The following ITPR2 variants were observed in gnomAD, a reference collection of about 807,000 sequenced individuals.
ITPR2 encodes inositol 1,4,5-trisphosphate receptor type 2.
ITPR2 carries 207 observed loss-of-function variants against 317.1 expected under a neutral mutation model. The ratio of observed to expected loss-of-function variants is 0.65; its 90% CI spans 0.58 to 0.73. The LOEUF (loss-of-function observed/expected upper bound fraction) is 0.73. Among genes scored for constraint, ITPR2 ranks in the 30% least tolerant of loss-of-function variants. ITPR2 has a pLI of 0.00. For missense variants in ITPR2, 2,613 were observed against 3,284.0 expected (o/e 0.80, Z 4.99); for synonymous variants, 1,156 against 1,149.1 (o/e 1.01, Z -0.12).
intron 9 of ITPR2, among the ~76,000 whole-genome samples, chr12:26,702,098 G>C (rs1948454323): frequency 6.6e-6 from 1 of 152,108 alleles, no homozygotes; most frequent in South Asian, 2.1e-4. Flanking sequence ...CTCCCTCACA[G>C]ACATAGTTGT....
intron 10 of ITPR2, among the ~76,000 whole-genome samples, chr12:26,690,228 A>G (rs1342098148): frequency 1.3e-5 from 2 of 152,256 alleles, no homozygotes; most frequent in Non-Finnish European, 2.9e-5. Flanking sequence ...ACTAAGGAAG[A>G]TAAAATGTTA....
intron 9 of ITPR2, among the ~76,000 whole-genome samples, chr12:26,709,295 C>T (rs1336374074): frequency 6.6e-6 from 1 of 152,134 alleles, no homozygotes; most frequent in African/African-American, 2.4e-5. Context: ...TTTCCTCCTC[C>T]CACTAGACCA....
chr12:26,355,386 C>A (rs151152117), intron 55 of ITPR2, among the ~76,000 whole-genome samples: 411 of 146,730 alleles, frequency 2.8e-3, no homozygotes, highest in Non-Finnish European at 5.1e-3. Context: ...TCCATTAAAA[C>A]CTAGACTATC....
intron 50 of ITPR2, among the ~76,000 whole-genome samples, 185 bp downstream of exon 50, chr12:26,418,864 G>A (rs973823966): frequency 4.6e-5 from 7 of 151,956 alleles, no homozygotes; most frequent in Non-Finnish European, 1.0e-4. Flanking sequence ...CACCTGTGTG[G>A]TTTCCCAAAG....
intron 2 of ITPR2, among the ~76,000 whole-genome samples, chr12:26,754,205 A>G (rs1949481717): frequency 6.6e-6 from 1 of 152,226 alleles, no homozygotes; most frequent in Non-Finnish European, 1.5e-5. Context: ...TCAGAAATGT[A>G]AACATTTAGT....
chr12:26,665,927 G>T lies in ITPR2; in HGVS notation c.1534C>A (p.Gln512Lys). ...AAATTCACCTGTGCCAGTATGTTTT[G>T]TTCCCTCATCAATTTTTGACGCTCT... Reference protein sequence around the residue: ...NRERQKLMREQNILAQVFGIL... With the variant: ...NRERQKLMREKNILAQVFGIL... Residue 512 changes from glutamine to lysine, a missense_variant, in exon 14 of 57, where the codon CAA (glutamine) becomes AAA (lysine). This residue lies in a region of ITPR2 where 515 missense variants were observed against 789.4 expected (regional missense o/e 0.65). Transcript: ENST00000381340. 1 of 1,612,022 alleles carries T rather than the reference G, an allele frequency of 6.2e-7. No individual in the cohort carries two copies. Among genetic ancestry groups the T allele is most frequent in the Non-Finnish European group, 8.5e-7 (1 of 1,179,464 alleles).
At chr12:26,344,367 T>G (rs1218957160) in intron 55 of ITPR2, among the ~76,000 whole-genome samples, 2 of 152,046 alleles carry the variant, frequency 1.3e-5, no homozygotes, top group African/African-American at 4.8e-5. Context: ...CATCACAGAC[T>G]GGGCTTGGGG....
rs1937983686 is a variant in ITPR2 at position 26,338,191 on chromosome 12, T to C, written c.*1206A>G. On this transcript the variant is annotated 3_prime_UTR_variant, in exon 57 of 57. Coordinates refer to ENST00000381340, the MANE Select transcript of ITPR2 (RefSeq NM_002223.4). ...CCATATTTTGCTCTGCTATTCCAAA[T>C]GTGTAGTCTCTAAGAATAACCTGAA... 1 of 152,618 alleles carries C rather than the reference T, an allele frequency of 6.6e-6. No homozygotes were observed. Among genetic ancestry groups the C allele is most frequent in the Admixed American group, 6.5e-5 (1 of 15,270 alleles). The allele number at this position is 152,618 out of a possible 1,614,324, so 9.5% of individuals were successfully genotyped here.
chr12:26,544,913 T>A (rs566153422), intron 37 of ITPR2, among the ~76,000 whole-genome samples: 4 of 151,784 alleles, frequency 2.6e-5, no homozygotes, highest in Middle Eastern at 3.4e-3. Context: ...ATTTGCAATG[T>A]GGAGGTAACA....
At chr12:26,529,372 C>G (rs1353557212) in intron 37 of ITPR2, among the ~76,000 whole-genome samples, 1 of 152,180 alleles carries the variant, frequency 6.6e-6, no homozygotes, top group Non-Finnish European at 1.5e-5. Context: ...CTTGATGGTT[C>G]TCAAACCAGG....
chr12:26,638,016 A>G (rs539821193), intron 21 of ITPR2, among the ~76,000 whole-genome samples: 1 of 152,216 alleles, frequency 6.6e-6, no homozygotes, highest in East Asian at 1.9e-4. Context: ...GCATGTAACC[A>G]AAGTGTAGTA....
At chr12:26,693,160 G>C (rs1213353296) in intron 10 of ITPR2, among the ~76,000 whole-genome samples, 1 of 152,286 alleles carries the variant, frequency 6.6e-6, no homozygotes, top group Non-Finnish European at 1.5e-5. Flanking sequence ...TGACAGATGA[G>C]ACTCAGTCAT....
intron 31 of ITPR2, 60 bp downstream of exon 31, chr12:26,596,823 G>GA: frequency 6.9e-7 from 1 of 1,439,062 alleles, no homozygotes; most frequent in Non-Finnish European, 9.3e-7. Context: ...CTGGCACCTA[G>GA]ATAAACTTCA....
At chr12:26,830,674 C>T (rs977634754) in intron 1 of ITPR2, among the ~76,000 whole-genome samples, 1 of 152,202 alleles carries the variant, frequency 6.6e-6, no homozygotes, top group African/African-American at 2.4e-5. Context: ...TATAAGTTAT[C>T]CATAAGCATA....
rs1950918768 is a variant in ITPR2 at position 26,820,220 on chromosome 12, C to A, written c.92+12470G>T. Among the ~76,000 whole-genome samples, 3 of 152,156 alleles carry A rather than the reference C, an allele frequency of 2.0e-5. No individual in the cohort carries two copies. In the South Asian group the frequency reaches 6.2e-4, roughly 31 times the overall value. On this transcript the variant is annotated intron_variant, in intron 1 of 56. Coordinates refer to ENST00000381340, the MANE Select transcript of ITPR2 (RefSeq NM_002223.4). The stretch of plus-strand genomic sequence containing the variant: ...AATGACACCATAAACCCAGTGACAA[C>A]TCCCATCCATTTTAAAAGAATTGCC...
At chr12:26,570,884 T>C (rs187498826) in intron 34 of ITPR2, among the ~76,000 whole-genome samples, 2 of 152,328 alleles carry the variant, frequency 1.3e-5, no homozygotes, top group African/African-American at 4.8e-5. Context: ...CTCAAATCTC[T>C]GTGAACACCA....
intron 37 of ITPR2, among the ~76,000 whole-genome samples, chr12:26,514,901 A>G (rs753326360): frequency 5.3e-5 from 8 of 152,218 alleles, no homozygotes; most frequent in Admixed American, 2.6e-4. Flanking sequence ...AATTATTTCT[A>G]CTGTCTGGAA....
intron 34 of ITPR2, among the ~76,000 whole-genome samples, chr12:26,567,999 A>ATATATATTATATATATATATATAT: frequency 3.9e-4 from 2 of 5,122 alleles, no homozygotes; most frequent in African/African-American, 9.8e-4. Flanking sequence ...TATATATATT[A>ATATATATTATATATATATATATAT]TATATATTAT....
intron 2 of ITPR2, among the ~76,000 whole-genome samples, chr12:26,729,265 C>T (rs756371471): frequency 2.6e-5 from 4 of 152,096 alleles, no homozygotes; most frequent in Non-Finnish European, 4.4e-5. Flanking sequence ...CAATGAGATA[C>T]TATCTCACAT....
Sources: allele counts gnomAD v4.1 joint callset (sites outside exome capture counted in the v4.1 genomes callset), GRCh38; gene constraint gnomAD v4.1.1; regional missense constraint gnomAD v4.1.1; transcripts MANE v1.5; gene names NCBI Gene and HGNC (gene_info 2026-07-23, HGNC 2026-07-21).